The following PDE5A variants were observed in gnomAD, a reference collection of about 807,000 sequenced individuals.
PDE5A encodes the protein phosphodiesterase 5A.
In PDE5A, 67 loss-of-function variants were observed where a neutral mutation model predicts 110.2. The observed-to-expected ratio is 0.61, with a 90% CI of 0.50 to 0.75. The LOEUF (loss-of-function observed/expected upper bound fraction) is 0.75, where lower values mean the gene tolerates loss of function less well. PDE5A is among the 30% of genes least tolerant of loss of function. The pLI is 0.00. For synonymous variants in PDE5A, 328 were observed against 351.2 expected (o/e 0.93, Z 0.74); for missense variants, 862 against 1,045.1 (o/e 0.82, Z 2.42).
chr4:119,535,752 A>G (rs1726705258), intron 11 of PDE5A, among the ~76,000 whole-genome samples: 1 of 152,198 alleles, frequency 6.6e-6, no homozygotes, highest in Non-Finnish European at 1.5e-5. Flanking sequence ...TGAATTTCCT[A>G]TCCACTAATT....
rs1050797129 is a variant in PDE5A at position 119,495,555 on chromosome 4, A to G, written c.*3046T>C. ...GGAACAGGTCTAATATTTATTTGCTATGCTGAAAATAAAGGCACTTCACTG... is the reference window on the plus strand; with the variant it reads ...GGAACAGGTCTAATATTTATTTGCTGTGCTGAAAATAAAGGCACTTCACTG... On this transcript the variant is annotated 3_prime_UTR_variant, in exon 21 of 21. Coordinates refer to ENST00000354960, the MANE Select transcript of PDE5A (RefSeq NM_001083.4). 6 of 152,602 alleles carry G rather than the reference A, an allele frequency of 3.9e-5. No homozygotes were observed. Among genetic ancestry groups the G allele is most frequent in the African/African-American group, 1.2e-4 (5 of 41,464 alleles). The allele number at this position is 152,602 out of a possible 1,614,324, so 9.5% of individuals were successfully genotyped here. A position where few individuals can be genotyped will look rare whatever the true frequency, so the allele number is the denominator to read the frequency against.
intron 2 of PDE5A, among the ~76,000 whole-genome samples, chr4:119,596,850 G>C (rs970034010): frequency 2.6e-5 from 4 of 151,920 alleles, no homozygotes; most frequent in African/African-American, 9.7e-5. Context: ...ATACAGACTC[G>C]AACAAATGTT....
chr4:119,604,880 T>C (rs532975402), intron 2 of PDE5A, among the ~76,000 whole-genome samples: 1 of 152,294 alleles, frequency 6.6e-6, no homozygotes, highest in South Asian at 2.1e-4. Flanking sequence ...ACAATTACTT[T>C]TGCACCAACC....
At chr4:119,622,095 A>G (rs1365041361) in intron 1 of PDE5A, among the ~76,000 whole-genome samples, 2 of 151,654 alleles carry the variant, frequency 1.3e-5, no homozygotes, top group Non-Finnish European at 1.5e-5. Flanking sequence ...AATGGCCTGA[A>G]CCCGGGAAGC....
chr4:119,623,399 T>C (rs939301835), intron 1 of PDE5A, among the ~76,000 whole-genome samples: 1 of 152,222 alleles, frequency 6.6e-6, no homozygotes, highest in Non-Finnish European at 1.5e-5. Context: ...AAAGGTTTTT[T>C]TATCCTAGGA....
At chr4:119,527,678 T>C (rs553689835) in intron 11 of PDE5A, among the ~76,000 whole-genome samples, 1 of 152,266 alleles carries the variant, frequency 6.6e-6, no homozygotes, top group Non-Finnish European at 1.5e-5. Flanking sequence ...ATTTTCACAG[T>C]TTCTTGTTTT....
rs1727796745 is a variant in PDE5A at position 119,562,952 on chromosome 4, T to C, written c.1012A>G (p.Ser338Gly). 7 of 1,594,894 alleles carry C rather than the reference T, an allele frequency of 4.4e-6. No homozygotes were observed. Among genetic ancestry groups the C allele is most frequent in the African/African-American group, 1.4e-5 (1 of 73,714 alleles). The stretch of plus-strand genomic sequence containing the variant: ...GATTGTTGTTCTTCAAAAATTAAAC[T>C]AGCAAGGTCAAGCAGCACCTAGACA... ...KRNQVLLDLA[S>G]LIFEEQQSLE... Residue 338 changes from serine (S) to glycine (G), a missense_variant, in exon 6 of 21, where the codon AGT (serine) becomes GGT (glycine). Ser to Gly is a moderately conservative substitution (Grantham distance 56). Coordinates refer to ENST00000354960, the MANE Select transcript of PDE5A (RefSeq NM_001083.4).
At chr4:119,560,818 GA>G (rs1194838460) in intron 6 of PDE5A, among the ~76,000 whole-genome samples, 2 of 152,174 alleles carry the variant, frequency 1.3e-5, no homozygotes, top group Non-Finnish European at 2.9e-5. Flanking sequence ...ACAACATAGA[GA>G]AATACTTTTG....
chr4:119,585,119 C>A lies in PDE5A; in HGVS notation c.831+11404G>T, dbSNP rs367693325. ...TGAAACCCCATCTCTACTAAAAATA[C>A]AAAAAATTAGCCAGGTGTGGTGGTG... On this transcript the variant is annotated intron_variant, in intron 3 of 20. Coordinates refer to ENST00000354960, the MANE Select transcript of PDE5A (RefSeq NM_001083.4). Among the ~76,000 whole-genome samples, 13 of 152,040 alleles carry A rather than the reference C, an allele frequency of 8.6e-5. No homozygotes were observed. The East Asian group carries it at 2.3e-3, about 27-fold the overall frequency.
In PDE5A at chr4:119,497,998, A is replaced by G. The variant is rs1318230448; in HGVS notation, c.*603T>C. 6.6e-6 allele frequency: 1 copy of G among 152,250 alleles called. No homozygotes were observed. The highest frequency in any genetic ancestry group is 1.9e-4 in the East Asian group (1 of 5,194). The allele number at this position is 152,250 out of a possible 1,614,324, so 9.4% of individuals were successfully genotyped here. ...TGTCTTGCCTGTTCTCTCACAAAACAGCATATCAATTAAATAATGTTTTCT... is the reference window on the plus strand; with the variant it reads ...TGTCTTGCCTGTTCTCTCACAAAACGGCATATCAATTAAATAATGTTTTCT... On this transcript the variant is annotated 3_prime_UTR_variant, in exon 21 of 21. Coordinates refer to ENST00000354960, the MANE Select transcript of PDE5A (RefSeq NM_001083.4).
rs1025758890 is a variant in PDE5A, at chr4:119,525,237, A to G, written c.1779+312T>C. Reference sequence around the variant, plus strand: ...TTCCATTGCTTCTCTTGCCATTCTTACCCCTCAACAGTACTCCTGGCCCTC... The same window carrying G: ...TTCCATTGCTTCTCTTGCCATTCTTGCCCCTCAACAGTACTCCTGGCCCTC... On this transcript the variant is annotated intron_variant, in intron 12 of 20. Coordinates refer to ENST00000354960, the MANE Select transcript of PDE5A (RefSeq NM_001083.4). The surrounding 1 kb of genome is among the most constrained non-coding windows in gnomAD (Gnocchi z 4.3). 6.6e-6 allele frequency among the ~76,000 whole-genome samples: 1 copy of G among 151,750 alleles called. No individual in the cohort carries two copies. Among genetic ancestry groups the G allele is most frequent in the East Asian group, 1.9e-4 (1 of 5,154 alleles).
In PDE5A at chr4:119,511,127, G is replaced by T; in HGVS notation, c.2008C>A (p.His670Asn). The T allele has an allele frequency of 1.9e-6, 3 of 1,602,864 alleles. No homozygotes were observed. Among genetic ancestry groups the T allele is most frequent in the Non-Finnish European group, 2.6e-6 (3 of 1,170,814 alleles). Residue 670 changes from histidine to asparagine, a missense_variant, in exon 15 of 21, where the codon CAT becomes AAT. By Grantham distance (68) the His-to-Asn change is moderately conservative (BLOSUM62 1). Transcript: ENST00000354960. Reference protein sequence around the residue: ...VNNSYIQRSEHPLAQLYCHSI... With the variant: ...VNNSYIQRSENPLAQLYCHSI... ...TGGCAGTAAAGCTGGGCAAGTGGAT[G>T]TTCACTTCTGAAAGTATTTTGTTGA... is the stretch of plus-strand genomic sequence containing the variant.
intron 1 of PDE5A, among the ~76,000 whole-genome samples, chr4:119,623,645 C>A (rs1730239676): frequency 6.6e-6 from 1 of 152,170 alleles, no homozygotes; most frequent in South Asian, 2.1e-4. Flanking sequence ...AGAGTCAAAT[C>A]ATTTATTTAA....
chr4:119,550,779 T>C (rs1727323453), intron 9 of PDE5A, among the ~76,000 whole-genome samples: 1 of 152,222 alleles, frequency 6.6e-6, no homozygotes, highest in Non-Finnish European at 1.5e-5. Flanking sequence ...TTGTAGTAAA[T>C]CTTTATACTT....
chr4:119,575,127 G>A (rs992779419), intron 3 of PDE5A, among the ~76,000 whole-genome samples: 4 of 152,142 alleles, frequency 2.6e-5, no homozygotes, highest in African/African-American at 4.8e-5. Context: ...GAGAAGAGAC[G>A]TTTAGAGAAA....
At chr4:119,511,346 T>C (rs1725736742) in intron 14 of PDE5A, among the ~76,000 whole-genome samples, 1 of 152,066 alleles carries the variant, frequency 6.6e-6, no homozygotes, top group African/African-American at 2.4e-5. Context: ...AATGTGACCA[T>C]TGCCAGAGTA....
At chr4:119,520,828 T>G (rs1373525238) in intron 13 of PDE5A, 107 bp downstream of exon 13, 1 of 941,574 alleles carries the variant, frequency 1.1e-6, no homozygotes, top group African/African-American at 1.7e-5. Context: ...GCAGCAAATA[T>G]TATTTTAAAT....
At chr4:119,567,771 A>G (rs1362707174) in intron 3 of PDE5A, among the ~76,000 whole-genome samples, 2 of 152,206 alleles carry the variant, frequency 1.3e-5, no homozygotes, top group Non-Finnish European at 2.9e-5. Context: ...GCTTATTTCA[A>G]ATAGATCAGA....
intron 6 of PDE5A, among the ~76,000 whole-genome samples, chr4:119,561,904 A>G (rs1727756618): frequency 6.6e-6 from 1 of 152,224 alleles, no homozygotes; most frequent in Non-Finnish European, 1.5e-5. Context: ...ATTTCTTAAT[A>G]TAAATTAAGT....
Sources: gnomAD v4.1 joint callset for allele counts (sites outside exome capture counted in the v4.1 genomes callset) on GRCh38, gnomAD v4.1.1 for gene constraint, Gnocchi (gnomAD v3.1) non-coding constraint, MANE v1.5 for transcripts, NCBI Gene and HGNC (gene_info 2026-07-23, HGNC 2026-07-21) for gene names.